Variants in GLI2 observed in about 807,000 individuals in gnomAD.
GLI2 encodes the protein GLI family zinc finger 2.
In GLI2, 22 loss-of-function variants were observed where a neutral mutation model predicts 78.9. The observed-to-expected ratio is 0.28, with a 90% confidence interval of 0.20 to 0.40. The LOEUF (loss-of-function observed/expected upper bound fraction) is 0.40, where lower values mean the gene tolerates loss of function less well. Ranked by LOEUF, GLI2 falls within the 10% of genes least tolerant of loss-of-function variation. GLI2 has a pLI of 1.00. For missense variants in GLI2, 2,097 were observed against 2,213.2 expected (o/e 0.95, Z 1.05); for synonymous variants, 974 against 963.7 (o/e 1.01, Z -0.20).
At chr2:120,872,375 G>T (rs914295058) in intron 2 of GLI2, among the ~76,000 whole-genome samples, 30 of 152,242 alleles carry the variant, frequency 2.0e-4, no homozygotes, top group Admixed American at 1.2e-3. Context: ...GCACTCCCCA[G>T]TGAGGAGTGG....
At chr2:120,798,671 CG>C (rs776089417) in intron 2 of GLI2, among the ~76,000 whole-genome samples, 4 of 152,206 alleles carry the variant, frequency 2.6e-5, no homozygotes, top group Non-Finnish European at 5.9e-5. Flanking sequence ...GCCCCTTGGA[CG>C]GGGACTCTCT....
At chr2:120,741,806 T>C (rs1682554716) in intron 1 of GLI2, among the ~76,000 whole-genome samples, 1 of 151,902 alleles carries the variant, frequency 6.6e-6, no homozygotes, top group Admixed American at 6.5e-5. Context: ...GGTTTGCAGC[T>C]CCCAAACAAT....
At chr2:120,793,170 G>A (rs1684228812) in intron 1 of GLI2, among the ~76,000 whole-genome samples, 4 of 152,234 alleles carry the variant, frequency 2.6e-5, no homozygotes, top group South Asian at 2.1e-4. Context: ...ACCTCCTAAC[G>A]GACAGGGGGC....
chr2:120,875,996 G>A (rs62150745), intron 2 of GLI2, among the ~76,000 whole-genome samples: 2,978 of 152,318 alleles, frequency 0.02, 58 homozygotes, highest in Non-Finnish European at 0.032. Flanking sequence ...GCAGTGCTGA[G>A]ACAATTGGTT....
At chr2:120,794,577 G>C (rs1684297214) in intron 1 of GLI2, among the ~76,000 whole-genome samples, 1 of 151,892 alleles carries the variant, frequency 6.6e-6, no homozygotes, top group South Asian at 2.1e-4. Context: ...GTGCTGGTGA[G>C]GCGTGCGAGT....
At chr2:120,954,662 C>A (rs1681154082) in intron 4 of GLI2, among the ~76,000 whole-genome samples, 1 of 152,198 alleles carries the variant, frequency 6.6e-6, no homozygotes, top group Non-Finnish European at 1.5e-5. Context: ...CCCTCAGATG[C>A]TCTGAATTTC....
intron 2 of GLI2, among the ~76,000 whole-genome samples, chr2:120,821,804 A>G (rs1465641345): frequency 1.3e-5 from 2 of 152,068 alleles, no homozygotes; most frequent in East Asian, 3.9e-4. Context: ...ACCCCATTTT[A>G]CAGATGGGGA....
chr2:120,944,662 C>T (rs1045221189), intron 3 of GLI2, among the ~76,000 whole-genome samples: 1 of 152,252 alleles, frequency 6.6e-6, no homozygotes, highest in African/African-American at 2.4e-5. Flanking sequence ...TTAGACATGT[C>T]AGTGCCCAAT....
At chr2:120,856,528 C>T (rs369117502) in intron 2 of GLI2, among the ~76,000 whole-genome samples, 7 of 151,378 alleles carry the variant, frequency 4.6e-5, no homozygotes, top group South Asian at 4.2e-4. Context: ...CCCACCGCCC[C>T]GATCTCCACT....
chr2:120,857,094 T>A (rs928954061), intron 2 of GLI2, among the ~76,000 whole-genome samples: 1 of 152,136 alleles, frequency 6.6e-6, no homozygotes. Flanking sequence ...TAGAGCTTAG[T>A]GATGCACCCA....
At chr2:120,830,878 T>C (rs1437811236) in intron 2 of GLI2, among the ~76,000 whole-genome samples, 1 of 152,096 alleles carries the variant, frequency 6.6e-6, no homozygotes, top group African/African-American at 2.4e-5. Flanking sequence ...CTCTTCTCTG[T>C]CATTCTGTTT....
At chr2:120,870,854 A>G (rs1688392635) in intron 2 of GLI2, among the ~76,000 whole-genome samples, 1 of 152,204 alleles carries the variant, frequency 6.6e-6, no homozygotes, top group Non-Finnish European at 1.5e-5. Context: ...TGCAACCTGC[A>G]TGCCCACCTT....
intron 2 of GLI2, among the ~76,000 whole-genome samples, chr2:120,819,451 G>A (rs886723159): frequency 2.0e-5 from 3 of 151,998 alleles, no homozygotes; most frequent in African/African-American, 7.2e-5. Flanking sequence ...TGTTGACCAG[G>A]CTGGTCTCGA....
intron 6 of GLI2, 96 bp from the exon 7 acceptor site, chr2:120,970,297 C>A: frequency 2.8e-6 from 2 of 723,554 alleles, no homozygotes; most frequent in East Asian, 2.7e-5. Flanking sequence ...ATGCTCATCC[C>A]TATCCCCTGG....
In GLI2 at chr2:120,736,074, G is replaced by A. The variant is rs981496665; in HGVS notation, c.-242G>A. 6.6e-6 allele frequency among the ~76,000 whole-genome samples: 1 copy of A among 150,670 alleles called. No homozygotes were observed. The highest frequency in any genetic ancestry group is 2.4e-5 in the African/African-American group (1 of 41,004). ...CGGCGCGCCGCAGCCTCGGGGAGCC[G>A]CCTGCTCGCCGGCGGTAGGGGCTGC... On this transcript the variant is annotated 5_prime_UTR_variant, in exon 1 of 14. Transcript: ENST00000361492.
intron 3 of GLI2, among the ~76,000 whole-genome samples, chr2:120,944,234 C>G (rs772191306): frequency 6.6e-6 from 1 of 152,168 alleles, no homozygotes; most frequent in Non-Finnish European, 1.5e-5. Flanking sequence ...GATTTGATGC[C>G]GAAAGGTGTG....
At chr2:120,919,990 C>T (rs1679291009) in intron 2 of GLI2, among the ~76,000 whole-genome samples, 1 of 152,270 alleles carries the variant, frequency 6.6e-6, no homozygotes, top group Non-Finnish European at 1.5e-5. Flanking sequence ...CTCACCTTCC[C>T]TCCATCAGTG....
chr2:120,921,324 C>T (rs1679369832), intron 2 of GLI2, among the ~76,000 whole-genome samples: 1 of 151,760 alleles, frequency 6.6e-6, no homozygotes, highest in Admixed American at 6.6e-5. Context: ...GGGGCTGGGG[C>T]TGGGGCTGGT....
chr2:120,779,234 A>C (rs1486220196), intron 1 of GLI2, among the ~76,000 whole-genome samples: 1 of 152,100 alleles, frequency 6.6e-6, no homozygotes, highest in East Asian at 1.9e-4. Context: ...AGGAGGCTTG[A>C]GCTGTTTTTT....
Sources: gnomAD v4.1 joint callset for allele counts (sites outside exome capture counted in the v4.1 genomes callset) on GRCh38, gnomAD v4.1.1 for gene constraint, MANE v1.5 for transcripts, NCBI Gene and HGNC (gene_info 2026-07-23, HGNC 2026-07-21) for gene names.